KCNIP4: variants seen among roughly 807,000 people sequenced by gnomAD.
KCNIP4 encodes the protein potassium voltage-gated channel interacting protein 4.
In KCNIP4, 12 loss-of-function variants were observed where a neutral mutation model predicts 34.0. The ratio of observed to expected loss-of-function variants is 0.35; its 90% CI spans 0.23 to 0.57. The LOEUF is 0.57. Ranked by LOEUF, KCNIP4 falls within the 20% of genes least tolerant of loss-of-function variation. The probability of loss-of-function intolerance (pLI) is 0.83; values close to 1 mark genes in which losing one functional copy is unlikely to be tolerated. For synonymous variants in KCNIP4, 124 were observed against 102.2 expected (o/e 1.21, Z -1.29); for missense variants, 238 against 311.7 (o/e 0.76, Z 1.78).
chr4:20,974,964 G>T (rs1735338183), intron 1 of KCNIP4, among the ~76,000 whole-genome samples: 2 of 152,200 alleles, frequency 1.3e-5, no homozygotes, highest in Non-Finnish European at 2.9e-5. Flanking sequence ...AGCTCTGTGT[G>T]ATAGGCACTG....
At chr4:21,088,121 G>GC (rs11460347) in intron 1 of KCNIP4, among the ~76,000 whole-genome samples, 51,816 of 151,686 alleles carry the variant, frequency 0.34, 10,509 homozygotes, top group African/African-American at 0.58. Context: ...TGAAATGTTG[G>GC]CCCCCTTCAA....
chr4:21,561,859 A>G (rs1739508028), intron 1 of KCNIP4, among the ~76,000 whole-genome samples: 1 of 151,930 alleles, frequency 6.6e-6, no homozygotes, highest in Non-Finnish European at 1.5e-5. Context: ...TTGGAAAATC[A>G]CATTGCCTTC....
chr4:21,730,514 C>T (rs966199833), intron 1 of KCNIP4, among the ~76,000 whole-genome samples: 59 of 151,806 alleles, frequency 3.9e-4, no homozygotes, highest in African/African-American at 1.4e-3. Flanking sequence ...ATGCCAGTGA[C>T]GGCCAGACAG....
At chr4:21,241,576 C>G (rs1438872358) in intron 1 of KCNIP4, among the ~76,000 whole-genome samples, 1 of 152,156 alleles carries the variant, frequency 6.6e-6, no homozygotes, top group Non-Finnish European at 1.5e-5. Context: ...ACGTGAGGAA[C>G]TGCTGACAAA....
At chr4:21,640,410 T>G (rs1746528650) in intron 1 of KCNIP4, among the ~76,000 whole-genome samples, 1 of 152,172 alleles carries the variant, frequency 6.6e-6, no homozygotes, top group Non-Finnish European at 1.5e-5. Flanking sequence ...TTTTTACACT[T>G]AGGATGAAAA....
At chr4:21,728,256 T>C (rs1434442810) in intron 1 of KCNIP4, among the ~76,000 whole-genome samples, 1 of 152,188 alleles carries the variant, frequency 6.6e-6, no homozygotes, top group East Asian at 1.9e-4. Flanking sequence ...CTCAACTCTG[T>C]TCCATAAAGT....
intron 1 of KCNIP4, among the ~76,000 whole-genome samples, chr4:21,093,946 G>T (rs1194665709): frequency 6.6e-6 from 1 of 152,062 alleles, no homozygotes; most frequent in African/African-American, 2.4e-5. Flanking sequence ...GCCAGGCGTG[G>T]TGGCGGGCGC....
chr4:21,858,169 A>C (rs1724869526), intron 1 of KCNIP4, among the ~76,000 whole-genome samples: 1 of 152,218 alleles, frequency 6.6e-6, no homozygotes, highest in South Asian at 2.1e-4. Flanking sequence ...GCATGAGCTG[A>C]GCTCAGCCTG....
At chr4:21,549,294 C>T (rs1738371506) in intron 1 of KCNIP4, among the ~76,000 whole-genome samples, 1 of 151,974 alleles carries the variant, frequency 6.6e-6, no homozygotes, top group African/African-American at 2.4e-5. Context: ...TGCTTGTCCC[C>T]TCCAAATCTC....
chr4:21,351,016 T>C (rs1450123227), intron 1 of KCNIP4, among the ~76,000 whole-genome samples: 1 of 152,166 alleles, frequency 6.6e-6, no homozygotes, highest in Non-Finnish European at 1.5e-5. Context: ...CAAATATTAT[T>C]TTGACTACAG....
At position 21,043,234 on chromosome 4, in the gene KCNIP4, C is replaced by G. The variant is rs114357282; in HGVS notation, c.62-160525G>C. On this transcript the variant is annotated intron_variant, in intron 1 of 8. Coordinates refer to ENST00000382152, the MANE Select transcript of KCNIP4 (RefSeq NM_025221.6). ...GATTTATGTAATGTGTAAAGAGATTCTCATTTAAATAATTCCATTGAAATA... is the reference window on the plus strand; with the variant it reads ...GATTTATGTAATGTGTAAAGAGATTGTCATTTAAATAATTCCATTGAAATA... Among the ~76,000 whole-genome samples the G allele has an allele frequency of 7.2e-3, 1,095 of 152,302 alleles. 18 individuals are homozygous for G. Among genetic ancestry groups the G allele is most frequent in the African/African-American group, 0.025 (1,051 of 41,560 alleles).
At chr4:21,246,341 T>A (rs1017471461) in intron 1 of KCNIP4, among the ~76,000 whole-genome samples, 1 of 152,200 alleles carries the variant, frequency 6.6e-6, no homozygotes, top group Non-Finnish European at 1.5e-5. Context: ...GCTGTTGCAA[T>A]CACGCCAGTC....
At chr4:21,493,049 G>A (rs1420642389) in intron 1 of KCNIP4, among the ~76,000 whole-genome samples, 1 of 152,156 alleles carries the variant, frequency 6.6e-6, no homozygotes. Context: ...TTTTTGTTAT[G>A]TGGCACACCT....
intron 1 of KCNIP4, among the ~76,000 whole-genome samples, chr4:21,545,960 CT>C (rs1199307502): frequency 6.6e-6 from 1 of 152,154 alleles, no homozygotes; most frequent in Non-Finnish European, 1.5e-5. Flanking sequence ...AATTGCCACA[CT>C]GTCTTCCACA....
rs149302211 is a variant in KCNIP4, at chr4:21,041,380, T to C, written c.62-158671A>G. On this transcript the variant is annotated intron_variant, in intron 1 of 8. Coordinates refer to ENST00000382152, the MANE Select transcript of KCNIP4 (RefSeq NM_025221.6). ...ATTGTGTGCACTCTATCTGCTTTCC[T>C]TGCTCAATAAAGTGTGCTATTAGAG... 6.3e-3 allele frequency among the ~76,000 whole-genome samples: 962 copies of C among 152,320 alleles called. 39 individuals carry two copies. The highest frequency in any genetic ancestry group is 0.058 in the Admixed American group (883 of 15,288).
chr4:21,214,365 T>A (rs1160812694), intron 1 of KCNIP4, among the ~76,000 whole-genome samples: 1 of 152,220 alleles, frequency 6.6e-6, no homozygotes, highest in African/African-American at 2.4e-5. Context: ...TTTTGTTGTG[T>A]TCTTTAAACT....
At chr4:20,949,328 T>A (rs1429460551) in intron 1 of KCNIP4, among the ~76,000 whole-genome samples, 1 of 152,238 alleles carries the variant, frequency 6.6e-6, no homozygotes, top group Non-Finnish European at 1.5e-5. Context: ...CTCTAACAGA[T>A]TCTTTGCAGC....
intron 1 of KCNIP4, among the ~76,000 whole-genome samples, chr4:21,144,379 G>A (rs566968872): frequency 3.3e-5 from 5 of 152,126 alleles, no homozygotes; most frequent in Non-Finnish European, 7.4e-5. Flanking sequence ...TACATTCAGA[G>A]ATTTCTAAAA....
chr4:21,301,050 T>C (rs1711608813), intron 1 of KCNIP4, among the ~76,000 whole-genome samples: 1 of 152,164 alleles, frequency 6.6e-6, no homozygotes, highest in Non-Finnish European at 1.5e-5. Context: ...ACTGTAACTC[T>C]TGGGTTATAA....
Sources: allele counts gnomAD v4.1 joint callset (sites outside exome capture counted in the v4.1 genomes callset), GRCh38; gene constraint gnomAD v4.1.1; transcripts MANE v1.5; gene names NCBI Gene and HGNC (gene_info 2026-07-23, HGNC 2026-07-21).